Variants in KSR2 observed in about 807,000 individuals in gnomAD.
KSR2 encodes the protein kinase suppressor of ras 2.
A neutral mutation model predicts 107.8 loss-of-function variants in KSR2; 25 were observed. That is an observed-to-expected ratio of 0.23 (90% CI 0.17 to 0.32). KSR2 has a LOEUF of 0.32. Ranked by LOEUF, KSR2 falls within the 10% of genes least tolerant of loss-of-function variation. The pLI is 1.00. For missense variants in KSR2, 887 were observed against 1,268.9 expected, an observed-to-expected ratio of 0.70 and a Z score of 4.57; for synonymous variants, 480 against 507.0, an observed-to-expected ratio of 0.95 and a Z score of 0.71.
intron 5 of KSR2, among the ~76,000 whole-genome samples, chr12:117,621,311 T>C (rs1882184039): frequency 6.6e-6 from 1 of 152,202 alleles, no homozygotes; most frequent in South Asian, 2.1e-4. Flanking sequence ...TAAACCTCTT[T>C]TCTTTATAAA....
rs576206157 is a variant in KSR2 at position 117,735,009 on chromosome 12, G to A, written c.986+26002C>T. ...CTCACGGCCTCCACTTTCTGGGTGC[G>A]TTTCTGGGGCCTCAGCTGTCTCCAG... On this transcript the variant is annotated intron_variant, in intron 4 of 19. Coordinates refer to ENST00000339824, the MANE Select transcript of KSR2 (RefSeq NM_173598.6). 2.0e-3 allele frequency among the ~76,000 whole-genome samples: 298 copies of A among 152,258 alleles called. 1 individual carries two copies. Among genetic ancestry groups the A allele is most frequent in the Non-Finnish European group, 2.9e-3 (200 of 68,018 alleles).
intron 1 of KSR2, among the ~76,000 whole-genome samples, chr12:117,891,286 C>T (rs577987630): frequency 6.6e-6 from 1 of 151,908 alleles, no homozygotes; most frequent in South Asian, 2.1e-4. Context: ...TGTGGTGGCG[C>T]ATGCCTGTAA....
At chr12:117,784,279 T>G (rs534448539) in intron 3 of KSR2, among the ~76,000 whole-genome samples, 4 of 152,282 alleles carry the variant, frequency 2.6e-5, no homozygotes, top group East Asian at 1.9e-4. Flanking sequence ...TGTCTCATGG[T>G]AGTGAGTAAG....
intron 5 of KSR2, among the ~76,000 whole-genome samples, chr12:117,615,925 G>T (rs1027826206): frequency 2.0e-5 from 3 of 152,212 alleles, no homozygotes; most frequent in African/African-American, 7.2e-5. Context: ...GGCTGAGACA[G>T]GTGGGTCACT....
rs116371803 is a variant in KSR2 at position 117,752,984 on chromosome 12, A to G, written c.986+8027T>C. Among the ~76,000 whole-genome samples, 1,284 of 152,318 alleles carry G rather than the reference A, an allele frequency of 8.4e-3. 15 individuals are homozygous for G. Among genetic ancestry groups the G allele is most frequent in the African/African-American group, 0.028 (1,170 of 41,572 alleles). The stretch of plus-strand genomic sequence containing the variant: ...AAGATCAAGATAACCAGAATCCCTG[A>G]GATCATTCCCTCTTAATTTTCTGAA... On this transcript the variant is annotated intron_variant, in intron 4 of 19. Transcript: ENST00000339824.
In KSR2 at chr12:117,485,739, A is replaced by T. The variant is rs140690519; in HGVS notation, c.2220-48T>A. The T allele has an allele frequency of 2.3e-6, 3 of 1,316,454 alleles. No homozygotes were observed. The East Asian group carries it at 6.9e-5, about 30-fold the overall frequency. The allele number at this position is 1,316,454 out of a possible 1,614,324, so 81.5% of individuals were successfully genotyped here. A position where few individuals can be genotyped will look rare whatever the true frequency, so the allele number is the denominator to read the frequency against. On this transcript the variant is annotated intron_variant, in intron 14 of 19. Transcript: ENST00000339824. Reference sequence around the variant, plus strand: ...AAATTAATGGCAGTCGTTCAGAAGAAGGTGACCCACAACAGTTACTACAAG... The same window carrying T: ...AAATTAATGGCAGTCGTTCAGAAGATGGTGACCCACAACAGTTACTACAAG...
At chr12:117,670,851 G>T (rs962258227) in intron 4 of KSR2, among the ~76,000 whole-genome samples, 5 of 152,072 alleles carry the variant, frequency 3.3e-5, no homozygotes, top group Admixed American at 1.3e-4. Flanking sequence ...TGTTTCTATC[G>T]TTTCTCTTCC....
chr12:117,772,162 GCACATA>G (rs1276274224), intron 3 of KSR2, among the ~76,000 whole-genome samples: 8 of 116,630 alleles, frequency 6.9e-5, no homozygotes, highest in Admixed American at 6.8e-4. Flanking sequence ...CCCCAAAGAC[GCACATA>G]CACATACACA....
chr12:117,491,568 CTTT>C (rs1271097637), intron 14 of KSR2, among the ~76,000 whole-genome samples: 1 of 152,166 alleles, frequency 6.6e-6, no homozygotes, highest in East Asian at 1.9e-4. Flanking sequence ...GGATTTCCTT[CTTT>C]TTTTAAGGCT....
chr12:117,932,929 C>T (rs1181022611), intron 1 of KSR2, among the ~76,000 whole-genome samples: 1 of 152,142 alleles, frequency 6.6e-6, no homozygotes, highest in Admixed American at 6.5e-5. Context: ...AGGAGAATCG[C>T]TTGAACCTGG....
At chr12:117,603,555 A>G (rs1235906338) in intron 5 of KSR2, among the ~76,000 whole-genome samples, 1 of 152,220 alleles carries the variant, frequency 6.6e-6, no homozygotes, top group East Asian at 1.9e-4. Context: ...GGTCATAGGG[A>G]ACCCACCAAG....
intron 5 of KSR2, among the ~76,000 whole-genome samples, chr12:117,623,640 T>C (rs1257449955): frequency 1.3e-5 from 2 of 152,240 alleles, no homozygotes; most frequent in African/African-American, 2.4e-5. Flanking sequence ...TGATGGACAT[T>C]TGGGTTGGTT....
chr12:117,527,282 C>CACACACACACACACACACAG (rs1290616373), intron 12 of KSR2, among the ~76,000 whole-genome samples, 163 bp from the exon 13 acceptor site: 2 of 112,388 alleles, frequency 1.8e-5, no homozygotes, highest in African/African-American at 8.8e-5. Context: ...ATAACCTCGA[C>CACACACACACACACACACAG]ACACACACAC....
chr12:117,808,511 A>G (rs1891084621), intron 3 of KSR2, among the ~76,000 whole-genome samples: 1 of 152,184 alleles, frequency 6.6e-6, no homozygotes, highest in Admixed American at 6.5e-5. Context: ...AAGAGTTGGT[A>G]TGAGGATTAA....
intron 14 of KSR2, among the ~76,000 whole-genome samples, chr12:117,518,259 G>T (rs1836286595): frequency 6.6e-6 from 1 of 152,100 alleles, no homozygotes; most frequent in Non-Finnish European, 1.5e-5. Context: ...AAATCATCCT[G>T]GGGGGCATGG....
In KSR2 at chr12:117,558,470, C is replaced by A. The variant is rs376617058; in HGVS notation, c.1393+36G>T. 7 of 1,585,342 alleles carry A rather than the reference C, an allele frequency of 4.4e-6. No homozygotes were observed. In the South Asian group the frequency reaches 6.6e-5, roughly 15 times the overall value. The stretch of plus-strand genomic sequence containing the variant: ...GGGGACCTGCAGGAGCCCCACCTCA[C>A]CCCTGCCCCTAGGGCAGTAAGTGTT... On this transcript the variant is annotated intron_variant, in intron 8 of 19. Transcript: ENST00000339824.
intron 3 of KSR2, among the ~76,000 whole-genome samples, chr12:117,775,651 G>A (rs928708864): frequency 1.3e-5 from 2 of 152,108 alleles, no homozygotes; most frequent in Non-Finnish European, 2.9e-5. Context: ...GAGTACCCAG[G>A]GGATAGGAAT....
At chr12:117,674,134 G>A in intron 4 of KSR2, 1 of 387,390 alleles carries the variant, frequency 2.6e-6, no homozygotes, top group South Asian at 1.9e-5. Flanking sequence ...TGGAATCTGG[G>A]AAAACTCTTC....
At chr12:117,591,329 C>T (rs1880299373) in intron 5 of KSR2, among the ~76,000 whole-genome samples, 1 of 152,102 alleles carries the variant, frequency 6.6e-6, no homozygotes, top group South Asian at 2.1e-4. Flanking sequence ...AGAGAGAAGA[C>T]CTGGAGGAGT....
Sources: allele counts gnomAD v4.1 joint callset (sites outside exome capture counted in the v4.1 genomes callset), GRCh38; gene constraint gnomAD v4.1.1; transcripts MANE v1.5; gene names NCBI Gene and HGNC (gene_info 2026-07-23, HGNC 2026-07-21).